EML1: variants seen among roughly 807,000 people sequenced by gnomAD.
EML1 encodes EMAP like 1, also known as echinoderm microtubule-associated protein-like 1.
Under a neutral mutation model 110.4 loss-of-function variants are expected in EML1, and 27 were observed. The observed-to-expected ratio is 0.24, with a 90% CI of 0.18 to 0.34. EML1 has a LOEUF of 0.34. EML1 is among the 10% of genes least tolerant of loss of function. The pLI, the probability that EML1 is intolerant of heterozygous loss-of-function variation, is 1.00. For synonymous variants in EML1, 344 were observed against 385.8 expected, an observed-to-expected ratio of 0.89 and a Z score of 1.27; for missense variants, 741 against 1,030.9, an observed-to-expected ratio of 0.72 and a Z score of 3.85.
chr14:99,833,417 G>GT (rs1345609207), intron 1 of EML1, among the ~76,000 whole-genome samples: 1 of 152,204 alleles, frequency 6.6e-6, no homozygotes, highest in Non-Finnish European at 1.5e-5. Flanking sequence ...GTTGGGCAGT[G>GT]TAAGTCTTTC....
chr14:99,911,609 T>G, intron 13 of EML1, 33 bp downstream of exon 13: 9 of 1,599,960 alleles, frequency 5.6e-6, no homozygotes, highest in Non-Finnish European at 7.6e-6. Context: ...AAAATTTGTT[T>G]TTAACCTTAA....
At chr14:99,797,862 G>C (rs905125683) in intron 1 of EML1, among the ~76,000 whole-genome samples, 5 of 152,208 alleles carry the variant, frequency 3.3e-5, no homozygotes, top group African/African-American at 9.7e-5. Flanking sequence ...GATAGATACA[G>C]AGCTGGCATA....
chr14:99,878,496 G>C lies in EML1; in HGVS notation c.395G>C (p.Arg132Thr), dbSNP rs773480441. The C allele has an allele frequency of 4.3e-6, 7 of 1,612,302 alleles. No homozygotes were observed. The highest frequency in any genetic ancestry group is 5.9e-6 in the Non-Finnish European group (7 of 1,179,486). ...CATTCCACCCTTAGTAACATCAAGA[G>C]GACCAGCTCTTCTGAACGAGTGTCT... ...AVPATKSNIK[R>T]TSSSERVSPG... Residue 132 changes from arginine to threonine, a missense_variant, in exon 4 of 22, where the codon AGG (arginine) becomes ACG (threonine). Transcript: ENST00000262233.
chr14:99,770,897 G>GC (rs1237833153), upstream of EML1, among the ~76,000 whole-genome samples: 5 of 147,446 alleles, frequency 3.4e-5, no homozygotes, highest in African/African-American at 9.9e-5. Context: ...CCATTCGCCT[G>GC]CCTCAGCCTC....
In EML1 at chr14:99,941,252, A is replaced by G. The variant is rs2140147401; in HGVS notation, c.*1140A>G. ...TGAAATTTATTGTTTACATTGGGGAATGTATCTCAAATTTTTAAATAGAAG... is the reference window on the plus strand; with the variant it reads ...TGAAATTTATTGTTTACATTGGGGAGTGTATCTCAAATTTTTAAATAGAAG... On this transcript the variant is annotated 3_prime_UTR_variant, in exon 22 of 22. Coordinates refer to ENST00000262233, the MANE Select transcript of EML1 (RefSeq NM_004434.3). 6.6e-6 allele frequency: 1 copy of G among 152,326 alleles called. No homozygotes were observed. The highest frequency in any genetic ancestry group is 3.4e-3 in the Middle Eastern group (1 of 294). 9.4% of individuals were successfully genotyped at this position (152,326 alleles called of 1,614,324 possible).
At chr14:99,932,000 T>G (rs947484674) in intron 17 of EML1, among the ~76,000 whole-genome samples, 1 of 152,148 alleles carries the variant, frequency 6.6e-6, no homozygotes, top group Non-Finnish European at 1.5e-5. Context: ...TGGTTCTGCC[T>G]TTGTCTCTGA....
chr14:99,765,367 G>A (rs767820445), intron 1 of EML1, among the ~76,000 whole-genome samples: 15 of 152,084 alleles, frequency 9.9e-5, no homozygotes, highest in Non-Finnish European at 1.5e-4. Context: ...TGTGCCCACT[G>A]AACAATAACC....
chr14:99,936,409 G>A lies in EML1; in HGVS notation c.2095+75G>A. 2 of 1,370,574 alleles carry A rather than the reference G, an allele frequency of 1.5e-6. No homozygotes were observed. 84.9% of individuals were successfully genotyped at this position (1,370,574 alleles called of 1,614,324 possible). A position where few individuals can be genotyped will look rare whatever the true frequency, so the allele number is the denominator to read the frequency against. On this transcript the variant is annotated intron_variant, in intron 19 of 21. Coordinates refer to ENST00000262233, the MANE Select transcript of EML1 (RefSeq NM_004434.3). This position sits in a 1 kb window ranked among gnomAD's most constrained non-coding sequence, Gnocchi z 5.5. ...ACTCTGAGATCCAGGGGGCCTCTGT[G>A]AGAACCCACCTCCTGTATGACTTAG...
At chr14:99,793,126 A>G (rs1044588068), upstream of EML1, among the ~76,000 whole-genome samples, 1 of 148,434 alleles carries the variant, frequency 6.7e-6, no homozygotes, top group African/African-American at 2.4e-5. Flanking sequence ...GGCCAAGGGG[A>G]CAGCGGGCGG....
intron 2 of EML1, among the ~76,000 whole-genome samples, chr14:99,863,371 T>C (rs947954937): frequency 1.3e-5 from 2 of 152,104 alleles, no homozygotes; most frequent in African/African-American, 4.8e-5. Context: ...TCCTAGATGG[T>C]TTTACTTGCA....
rs1301628428 is a variant in EML1 at position 99,781,785 on chromosome 14, T to A, written c.-27+7772T>A. 6.6e-6 allele frequency among the ~76,000 whole-genome samples: 1 copy of A among 152,152 alleles called. No homozygotes were observed. Among genetic ancestry groups the A allele is most frequent in the African/African-American group, 2.4e-5 (1 of 41,438 alleles). On this transcript the variant is annotated intron_variant, in intron 1 of 22. Transcript: ENST00000327921. The surrounding 1 kb of genome is among the most constrained non-coding windows in gnomAD (Gnocchi z 4.2). Reference sequence around the variant, plus strand: ...GACATTAACAGAGCTGGATGTCTCATCAGTTTCCAGACATACTGAGTATGC... The same window carrying A: ...GACATTAACAGAGCTGGATGTCTCAACAGTTTCCAGACATACTGAGTATGC...
At chr14:99,780,379 G>C (rs554305492) in intron 1 of EML1, among the ~76,000 whole-genome samples, 1 of 152,250 alleles carries the variant, frequency 6.6e-6, no homozygotes, top group South Asian at 2.1e-4. Flanking sequence ...GGGGAAGTAG[G>C]TTGCTGGTTG....
chr14:99,892,395 T>A (rs1222127539), intron 5 of EML1, among the ~76,000 whole-genome samples: 1 of 152,202 alleles, frequency 6.6e-6, no homozygotes, highest in South Asian at 2.1e-4. Flanking sequence ...GTAATTTGGA[T>A]CCCAATTGGT....
chr14:99,907,785 C>T (rs374452481), intron 10 of EML1, 52 bp downstream of exon 10: 15 of 1,574,676 alleles, frequency 9.5e-6, no homozygotes, highest in African/African-American at 6.8e-5. Flanking sequence ...CATTCAGAGC[C>T]GCCCTGGCAT....
chr14:99,765,407 C>T (rs925610559), intron 1 of EML1, among the ~76,000 whole-genome samples: 1 of 152,016 alleles, frequency 6.6e-6, no homozygotes, highest in African/African-American at 2.4e-5. Context: ...CCCTGGCTAC[C>T]ACCAATCTAC....
At position 99,941,609 on chromosome 14, in the gene EML1, A is replaced by G. The variant is rs1022487251; in HGVS notation, c.*1497A>G. ...TAAAATTAGATATGATTCACACTAT[A>G]TTCTGTTTCATATGCAGATTTTATT... On this transcript the variant is annotated 3_prime_UTR_variant, in exon 22 of 22. Coordinates refer to ENST00000262233, the MANE Select transcript of EML1 (RefSeq NM_004434.3). 2.6e-5 allele frequency: 4 copies of G among 152,230 alleles called. No homozygotes were observed. The highest frequency in any genetic ancestry group is 6.5e-5 in the Admixed American group (1 of 15,280). 9.4% of individuals were successfully genotyped at this position (152,230 alleles called of 1,614,324 possible).
intron 17 of EML1, among the ~76,000 whole-genome samples, chr14:99,934,398 C>T (rs948103445): frequency 5.9e-5 from 9 of 152,244 alleles, no homozygotes; most frequent in Admixed American, 3.9e-4. Flanking sequence ...GGTCTTACAT[C>T]GCCCCTATTT....
In EML1 at chr14:99,939,201, G is replaced by C. The variant is rs757667756; in HGVS notation, c.2196G>C (p.Val732=). 1 of 1,614,104 alleles carries C rather than the reference G, an allele frequency of 6.2e-7. No homozygotes were observed. The change falls in exon 21 of 22, where the codon GTG becomes GTC. Residue 732 remains valine, a synonymous_variant. Coordinates refer to ENST00000262233, the MANE Select transcript of EML1 (RefSeq NM_004434.3). This position sits in a 1 kb window ranked among gnomAD's most constrained non-coding sequence, Gnocchi z 4.2. Reference sequence around the variant, plus strand: ...TGTTTGTGGTCTTTGTTTTAGGAGTGTGGCCAGAAGGCTCGGACGGAACCG... The same window carrying C: ...TGTTTGTGGTCTTTGTTTTAGGAGTCTGGCCAGAAGGCTCGGACGGAACCG... ...TCTLGFHVFG[V]WPEGSDGTDI... is the part of the protein sequence containing the mutation.
intron 1 of EML1, among the ~76,000 whole-genome samples, chr14:99,799,711 C>T (rs567650759): frequency 6.6e-6 from 1 of 152,190 alleles, no homozygotes; most frequent in Non-Finnish European, 1.5e-5. Flanking sequence ...AAAAAGTAAC[C>T]ATTAATTGGT....
Sources: allele counts gnomAD v4.1 joint callset (sites outside exome capture counted in the v4.1 genomes callset), GRCh38; gene constraint gnomAD v4.1.1; non-coding constraint Gnocchi (gnomAD v3.1); transcripts MANE v1.5; gene names NCBI Gene and HGNC (gene_info 2026-07-23, HGNC 2026-07-21).